Variants in HDAC9 observed in about 807,000 individuals in gnomAD.
HDAC9 encodes histone deacetylase 9.
HDAC9 carries 41 observed loss-of-function variants against 139.4 expected under a neutral mutation model. The observed-to-expected ratio is 0.29, with a 90% CI of 0.23 to 0.38. The LOEUF is 0.38. Among genes scored for constraint, HDAC9 ranks in the 10% least tolerant of loss-of-function variants. The pLI, the probability that HDAC9 is intolerant of heterozygous loss-of-function variation, is 1.00. For synonymous variants in HDAC9, 517 were observed against 476.2 expected, an observed-to-expected ratio of 1.09 and a Z score of -1.12; for missense variants, 1,147 against 1,297.0, an observed-to-expected ratio of 0.88 and a Z score of 1.78.
intron 22 of HDAC9, among the ~76,000 whole-genome samples, chr7:18,883,928 A>G (rs1799928011): frequency 6.6e-6 from 1 of 152,192 alleles, no homozygotes; most frequent in Admixed American, 6.5e-5. Context: ...GAAGAAAATA[A>G]TCCCATGTAC....
chr7:18,711,618 G>T (rs901927518), intron 12 of HDAC9, among the ~76,000 whole-genome samples: 3 of 152,096 alleles, frequency 2.0e-5, no homozygotes, highest in Non-Finnish European at 2.9e-5. Context: ...GCCCACACTT[G>T]GGGTTGCTGC....
intron 1 of HDAC9, among the ~76,000 whole-genome samples, chr7:18,103,432 A>G (rs748820872): frequency 1.3e-5 from 2 of 152,144 alleles, no homozygotes; most frequent in African/African-American, 2.4e-5. Context: ...CGATCCCATC[A>G]CTCAAATAGT....
At chr7:18,392,329 A>T (rs1359287324) in intron 1 of HDAC9, among the ~76,000 whole-genome samples, 3 of 150,620 alleles carry the variant, frequency 2.0e-5, no homozygotes, top group African/African-American at 7.4e-5. Context: ...ACACACACAC[A>T]CACACACACA....
At chr7:18,969,801 A>G (rs1784131966) in intron 24 of HDAC9, among the ~76,000 whole-genome samples, 1 of 152,250 alleles carries the variant, frequency 6.6e-6, no homozygotes, top group Non-Finnish European at 1.5e-5. Context: ...TGAATTTGGT[A>G]AAATTTTGAA....
At chr7:18,114,614 G>T (rs542981446) in intron 1 of HDAC9, among the ~76,000 whole-genome samples, 2 of 152,250 alleles carry the variant, frequency 1.3e-5, no homozygotes, top group South Asian at 2.1e-4. Flanking sequence ...TGGCGGAGAG[G>T]ATCCATTCTT....
In HDAC9 at chr7:18,997,375, A is replaced by G. The variant is rs1156831597; in HGVS notation, c.*1313A>G. On this transcript the variant is annotated 3_prime_UTR_variant, in exon 26 of 26. Transcript: ENST00000686413. Reference sequence around the variant, plus strand: ...GTGTCAAAAGTTAAAAATAAAGGACATTTATTTCTGAGATAAAAAGTAACT... The same window carrying G: ...GTGTCAAAAGTTAAAAATAAAGGACGTTTATTTCTGAGATAAAAAGTAACT... 6.6e-6 allele frequency: 1 copy of G among 152,060 alleles called. No individual in the cohort carries two copies. Among genetic ancestry groups the G allele is most frequent in the Admixed American group, 6.6e-5 (1 of 15,266 alleles). 9.4% of individuals were successfully genotyped at this position (152,060 alleles called of 1,614,324 possible).
At chr7:18,435,527 A>G (rs920577333) in intron 1 of HDAC9, among the ~76,000 whole-genome samples, 27 of 152,166 alleles carry the variant, frequency 1.8e-4, no homozygotes, top group African/African-American at 6.3e-4. Flanking sequence ...AAACTTTGCT[A>G]CTAGTATAGT....
chr7:18,369,735 T>C (rs762035326), intron 1 of HDAC9, among the ~76,000 whole-genome samples: 3 of 152,084 alleles, frequency 2.0e-5, no homozygotes, highest in Non-Finnish European at 4.4e-5. Flanking sequence ...CAGCAAGTCA[T>C]GAAAAGTGTT....
intron 1 of HDAC9, among the ~76,000 whole-genome samples, chr7:18,137,117 G>A (rs1258305067): frequency 6.8e-6 from 1 of 146,620 alleles, no homozygotes; most frequent in African/African-American, 2.6e-5. Flanking sequence ...TCTGTTATTG[G>A]TGTATAGGAA....
intron 1 of HDAC9, among the ~76,000 whole-genome samples, chr7:18,088,994 CAT>C (rs1781972513): frequency 6.6e-6 from 1 of 152,152 alleles, no homozygotes; most frequent in South Asian, 2.1e-4. Flanking sequence ...CTAGTGTTTT[CAT>C]ATATGTTTTA....
At chr7:18,181,861 A>G (rs1242147376) in intron 2 of HDAC9, among the ~76,000 whole-genome samples, 1 of 152,214 alleles carries the variant, frequency 6.6e-6, no homozygotes, top group African/African-American at 2.4e-5. Context: ...ACTGATACAA[A>G]TGCAAGTCAA....
intron 1 of HDAC9, among the ~76,000 whole-genome samples, chr7:18,437,964 GAC>G (rs979743505): frequency 1.2e-3 from 169 of 146,516 alleles, no homozygotes; most frequent in African/African-American, 4.0e-3. Context: ...CACACACACA[GAC>G]ACACACACAC....
intron 6 of HDAC9, among the ~76,000 whole-genome samples, chr7:18,618,115 C>A (rs28562712): frequency 0.025 from 3,787 of 152,094 alleles, 161 homozygotes; most frequent in African/African-American, 0.087. Flanking sequence ...ATCAGAGAGA[C>A]AAAAACCTAA....
At chr7:18,717,741 AT>A (rs1410778271) in intron 12 of HDAC9, among the ~76,000 whole-genome samples, 1 of 152,106 alleles carries the variant, frequency 6.6e-6, no homozygotes, top group Non-Finnish European at 1.5e-5. Context: ...ATATTTTAGC[AT>A]AAACACACAC....
At chr7:18,716,279 T>G (rs1213541445) in intron 12 of HDAC9, among the ~76,000 whole-genome samples, 2 of 152,222 alleles carry the variant, frequency 1.3e-5, no homozygotes, top group Non-Finnish European at 2.9e-5. Flanking sequence ...CAGTGTGCTC[T>G]CTTGAACATT....
At chr7:18,859,910 A>T (rs1321104374) in intron 21 of HDAC9, among the ~76,000 whole-genome samples, 1 of 143,076 alleles carries the variant, frequency 7.0e-6, no homozygotes, top group Non-Finnish European at 1.5e-5. Flanking sequence ...GGAATACTGA[A>T]TTTAATTTTT....
chr7:18,974,060 A>G (rs1408657585), intron 24 of HDAC9, among the ~76,000 whole-genome samples: 1 of 152,150 alleles, frequency 6.6e-6, no homozygotes, highest in Non-Finnish European at 1.5e-5. Flanking sequence ...ATCCCACTCC[A>G]GACTCTTCCT....
chr7:18,866,383 T>C (rs982264187), intron 21 of HDAC9, among the ~76,000 whole-genome samples: 1 of 152,140 alleles, frequency 6.6e-6, no homozygotes, highest in African/African-American at 2.4e-5. Context: ...GATCAGGGAC[T>C]TTGCTGTGAA....
At chr7:18,408,950 C>A (rs1490974409) in intron 1 of HDAC9, among the ~76,000 whole-genome samples, 1 of 152,126 alleles carries the variant, frequency 6.6e-6, no homozygotes, top group African/African-American at 2.4e-5. Flanking sequence ...CTTCAGGTAG[C>A]AGCTTTTTGG....
Sources: allele counts gnomAD v4.1 joint callset (sites outside exome capture counted in the v4.1 genomes callset), GRCh38; gene constraint gnomAD v4.1.1; transcripts MANE v1.5; gene names NCBI Gene and HGNC (gene_info 2026-07-23, HGNC 2026-07-21).